SAE1: variants seen among roughly 807,000 people sequenced by gnomAD.
SAE1 encodes the protein SUMO-activating enzyme subunit 1.
SAE1 carries 11 observed loss-of-function variants against 40.6 expected under a neutral mutation model. The observed-to-expected ratio is 0.27, with a 90% CI of 0.17 to 0.45. The LOEUF (loss-of-function observed/expected upper bound fraction) is 0.45, where lower values mean the gene tolerates loss of function less well. SAE1 is among the 20% of genes least tolerant of loss of function. The pLI, the probability that SAE1 is intolerant of heterozygous loss-of-function variation, is 1.00. For synonymous variants in SAE1, 155 were observed against 154.3 expected (o/e 1.00, Z -0.03); for missense variants, 373 against 427.3 (o/e 0.87, Z 1.12).
At chr19:47,160,808 C>T (rs529650797) in intron 5 of SAE1, among the ~76,000 whole-genome samples, 5 of 152,082 alleles carry the variant, frequency 3.3e-5, no homozygotes, top group African/African-American at 4.8e-5. Context: ...GGATTACAGG[C>T]GTGAGCCACC....
chr19:47,177,753 C>T (rs1005500069), intron 6 of SAE1, among the ~76,000 whole-genome samples: 12 of 152,036 alleles, frequency 7.9e-5, no homozygotes, highest in African/African-American at 2.7e-4. Flanking sequence ...AAGGTCTGAC[C>T]ATCTTTGGGG....
chr19:47,184,394 G>A (rs2058530236), intron 6 of SAE1, among the ~76,000 whole-genome samples: 2 of 151,972 alleles, frequency 1.3e-5, no homozygotes, highest in African/African-American at 4.8e-5. Context: ...ACCTCATTCT[G>A]TCTTTTTTGT....
Position 47,169,943 on chromosome 19 carries a change from C to T in SAE1, c.733+20C>T. Reference sequence around the variant, plus strand: ...TTCAAGGTGAGGTCTCAAAGCACAACTTACCCCGGGAGAGCTTTTGGCTCT... The same window carrying T: ...TTCAAGGTGAGGTCTCAAAGCACAATTTACCCCGGGAGAGCTTTTGGCTCT... On this transcript the variant is annotated intron_variant, in intron 6 of 8. Coordinates refer to ENST00000270225, the MANE Select transcript of SAE1 (RefSeq NM_005500.3). The T allele has an allele frequency of 6.4e-7, 1 of 1,574,290 alleles. No individual in the cohort carries two copies. The highest frequency in any genetic ancestry group is 2.2e-5 in the East Asian group (1 of 44,662).
chr19:47,132,387 T>C (rs2058150564), intron 1 of SAE1, among the ~76,000 whole-genome samples: 1 of 151,334 alleles, frequency 6.6e-6, no homozygotes, highest in African/African-American at 2.4e-5. Context: ...TAGCTGGGAC[T>C]ACAGGCGTGC....
At chr19:47,176,402 C>T (rs1456613559) in intron 6 of SAE1, among the ~76,000 whole-genome samples, 1 of 152,170 alleles carries the variant, frequency 6.6e-6, no homozygotes, top group African/African-American at 2.4e-5. Context: ...GGGATGCATA[C>T]CTAAGAATAT....
At chr19:47,166,257 A>T (rs774323972) in intron 5 of SAE1, among the ~76,000 whole-genome samples, 1 of 152,184 alleles carries the variant, frequency 6.6e-6, no homozygotes, top group Non-Finnish European at 1.5e-5. Context: ...AGAGCCAGGC[A>T]TGGGAAGAGA....
intron 7 of SAE1, among the ~76,000 whole-genome samples, chr19:47,202,023 C>T (rs908216402): frequency 6.6e-6 from 1 of 152,042 alleles, no homozygotes; most frequent in Non-Finnish European, 1.5e-5. Flanking sequence ...ATGTGCTGGT[C>T]CTGGCCAGGG....
chr19:47,139,054 A>G (rs1007483274), intron 1 of SAE1, among the ~76,000 whole-genome samples: 4 of 152,080 alleles, frequency 2.6e-5, no homozygotes, highest in African/African-American at 9.7e-5. Context: ...AGCAAGGATG[A>G]TGTTCTCTAG....
At chr19:47,203,431 A>G (rs931374766) in intron 7 of SAE1, among the ~76,000 whole-genome samples, 1 of 152,226 alleles carries the variant, frequency 6.6e-6, no homozygotes, top group Non-Finnish European at 1.5e-5. Flanking sequence ...AGGTAAAAAT[A>G]AAAGTATTGT....
At chr19:47,187,276 G>A (rs1295187234) in intron 6 of SAE1, among the ~76,000 whole-genome samples, 1 of 152,094 alleles carries the variant, frequency 6.6e-6, no homozygotes, top group African/African-American at 2.4e-5. Context: ...TCACACCTAT[G>A]GACTGTTCTG....
chr19:47,166,380 G>A (rs62135081), intron 5 of SAE1, among the ~76,000 whole-genome samples: 13,697 of 152,186 alleles, frequency 0.09, 931 homozygotes, highest in East Asian at 0.3. Context: ...TTATGAAGAA[G>A]GCGAGTTTGT....
intron 6 of SAE1, among the ~76,000 whole-genome samples, chr19:47,189,371 C>T (rs2058564752): frequency 6.6e-6 from 1 of 152,028 alleles, no homozygotes; most frequent in African/African-American, 2.4e-5. Context: ...GCCTGACCAA[C>T]ATGGTGAAAC....
intron 6 of SAE1, among the ~76,000 whole-genome samples, chr19:47,179,025 C>T (rs2123272694): frequency 6.6e-6 from 1 of 151,654 alleles, no homozygotes; most frequent in Non-Finnish European, 1.5e-5. Flanking sequence ...AACCTCGTCT[C>T]TACTAAAAAT....
At position 47,201,360 on chromosome 19, in the gene SAE1, C is replaced by CTTTTTTTTTTTTTT. The variant is rs57568797; in HGVS notation, c.879-2295_879-2282dup. Reference sequence around the variant, plus strand: ...CTGCACCTGGCCTGTTATCTGGTTCCTTTTTTTTTTTTTTTTTTTTTTTTT... The same window carrying CTTTTTTTTTTTTTT: ...CTGCACCTGGCCTGTTATCTGGTTCCTTTTTTTTTTTTTTTTTTTTTTTTTTTTTTTTTTTTTTT... On this transcript the variant is annotated intron_variant, in intron 7 of 8. Transcript: ENST00000270225. Among the ~76,000 whole-genome samples, 41 of 66,228 alleles carry CTTTTTTTTTTTTTT rather than the reference C, an allele frequency of 6.2e-4. 8 individuals are homozygous for CTTTTTTTTTTTTTT. Among genetic ancestry groups the CTTTTTTTTTTTTTT allele is most frequent in the African/African-American group, 2.4e-3 (36 of 15,056 alleles). 43.4% of individuals were successfully genotyped at this position (66,228 alleles called of 152,430 possible).
At chr19:47,189,959 C>T (rs1037332602) in intron 6 of SAE1, among the ~76,000 whole-genome samples, 1 of 152,180 alleles carries the variant, frequency 6.6e-6, no homozygotes, top group African/African-American at 2.4e-5. Flanking sequence ...AATTTGAGTG[C>T]TTACATTATT....
chr19:47,160,616 C>T lies in SAE1; in HGVS notation c.627+5403C>T, dbSNP rs562988068. Among the ~76,000 whole-genome samples, 495 of 152,050 alleles carry T rather than the reference C, an allele frequency of 3.3e-3. 4 individuals are homozygous for T. Among genetic ancestry groups the T allele is most frequent in the African/African-American group, 0.011 (455 of 41,458 alleles). ...TTCACCGTGTTAGCCAGGATGGTCT[C>T]GATCTCCTGACCTCGTGATCCGCCC... On this transcript the variant is annotated intron_variant, in intron 5 of 8. Coordinates refer to ENST00000270225, the MANE Select transcript of SAE1 (RefSeq NM_005500.3).
intron 6 of SAE1, among the ~76,000 whole-genome samples, chr19:47,180,547 T>C (rs549713560): frequency 6.6e-6 from 1 of 151,752 alleles, no homozygotes; most frequent in South Asian, 2.1e-4. Context: ...GATGCTTTTA[T>C]GCTATGCCTG....
chr19:47,165,652 T>C (rs1054467972), intron 5 of SAE1, among the ~76,000 whole-genome samples: 1 of 152,198 alleles, frequency 6.6e-6, no homozygotes. Context: ...ATTTTTTCTT[T>C]ATAAGCGTAA....
chr19:47,203,503 C>T (rs1157422456), intron 7 of SAE1, among the ~76,000 whole-genome samples, 168 bp from the exon 8 acceptor site: 1 of 152,144 alleles, frequency 6.6e-6, no homozygotes, highest in Admixed American at 6.6e-5. Flanking sequence ...ATCCCTTGCT[C>T]AGATTTCATT....
Sources: allele counts gnomAD v4.1 joint callset (sites outside exome capture counted in the v4.1 genomes callset), GRCh38; gene constraint gnomAD v4.1.1; transcripts MANE v1.5; gene names NCBI Gene and HGNC (gene_info 2026-07-23, HGNC 2026-07-21).